Variants in PRICKLE2 observed in about 807,000 individuals in gnomAD.
PRICKLE2 encodes the protein prickle-like protein 2.
In PRICKLE2, 21 loss-of-function variants were observed where a neutral mutation model predicts 81.4. The observed-to-expected ratio is 0.26, with a 90% CI of 0.18 to 0.37. The LOEUF (loss-of-function observed/expected upper bound fraction) is 0.37, where lower values mean the gene tolerates loss of function less well. Among genes scored for constraint, PRICKLE2 ranks in the 10% least tolerant of loss-of-function variants. PRICKLE2 has a pLI of 1.00. For synonymous variants in PRICKLE2, 456 were observed against 421.5 expected (o/e 1.08, Z -1.00); for missense variants, 940 against 1,109.0 (o/e 0.85, Z 2.16).
Position 64,194,827 on chromosome 3 carries a change from A to T in PRICKLE2, c.144+3957T>A, listed in dbSNP as rs190693300. Among the ~76,000 whole-genome samples, 3 of 152,212 alleles carry T rather than the reference A, an allele frequency of 2.0e-5. No individual in the cohort carries two copies. In the East Asian group the frequency reaches 5.8e-4, roughly 29 times the overall value. On this transcript the variant is annotated intron_variant, in intron 2 of 7. Coordinates refer to ENST00000638394, the MANE Select transcript of PRICKLE2 (RefSeq NM_198859.4). ...CTCAGCACTTTGGGAGCATTGCTTGAGGTCAGGAGTTCAAGACCAGCCTGG... is the reference window on the plus strand; with the variant it reads ...CTCAGCACTTTGGGAGCATTGCTTGTGGTCAGGAGTTCAAGACCAGCCTGG...
chr3:64,220,262 T>A (rs1433107001), intron 1 of PRICKLE2, among the ~76,000 whole-genome samples: 1 of 152,192 alleles, frequency 6.6e-6, no homozygotes, highest in Non-Finnish European at 1.5e-5. Flanking sequence ...AATGAAATGC[T>A]AAGAATTTCT....
intron 1 of PRICKLE2, among the ~76,000 whole-genome samples, chr3:64,206,396 T>C (rs952418736): frequency 6.6e-5 from 10 of 152,336 alleles, no homozygotes; most frequent in Admixed American, 4.6e-4. Context: ...AATGTACATT[T>C]TCAAACTGTC....
chr3:64,123,724 G>A (rs1383968596), intron 7 of PRICKLE2, among the ~76,000 whole-genome samples: 2 of 151,924 alleles, frequency 1.3e-5, no homozygotes, highest in African/African-American at 4.8e-5. Flanking sequence ...TAATTGTTTT[G>A]GGATATCATG....
At chr3:64,189,539 A>G (rs1171516783) in intron 2 of PRICKLE2, among the ~76,000 whole-genome samples, 1 of 152,224 alleles carries the variant, frequency 6.6e-6, no homozygotes, top group African/African-American at 2.4e-5. Context: ...GGCTGGTTCA[A>G]GTGCTGTCTT....
intron 7 of PRICKLE2, among the ~76,000 whole-genome samples, chr3:64,129,699 T>A (rs1041272487): frequency 6.6e-6 from 1 of 152,116 alleles, no homozygotes; most frequent in Admixed American, 6.6e-5. Flanking sequence ...TGGCAGCTAC[T>A]GAGGTTGTTT....
At chr3:64,146,612 G>A (rs975329358) in intron 7 of PRICKLE2, 8 of 536,474 alleles carry the variant, frequency 1.5e-5, no homozygotes, top group South Asian at 2.2e-5. Context: ...GCATGGTGGC[G>A]GGCACCTGTA....
rs184428970 is a variant in PRICKLE2 at position 64,156,537 on chromosome 3, C to T, written c.600+625G>A. 1.2e-3 allele frequency among the ~76,000 whole-genome samples: 187 copies of T among 152,228 alleles called. 1 individual carries two copies. Among genetic ancestry groups the T allele is most frequent in the Non-Finnish European group, 2.0e-3 (137 of 68,020 alleles). On this transcript the variant is annotated intron_variant, in intron 5 of 7. Transcript: ENST00000638394. ...AGGTTTTCTATTCTGTCAGCTTACA[C>T]GGTAGGGTGTGCTTCTAGTAGGGGA...
chr3:64,122,323 A>C lies in PRICKLE2; in HGVS notation c.1661-22398T>G, dbSNP rs117232984. ...CCCCACTAGCCCACCCTTTGCCCCCAAAAATTCATAACCCAACAGCCAAGG... is the reference window on the plus strand; with the variant it reads ...CCCCACTAGCCCACCCTTTGCCCCCCAAAATTCATAACCCAACAGCCAAGG... On this transcript the variant is annotated intron_variant, in intron 7 of 7. Transcript: ENST00000638394. 2.5e-3 allele frequency among the ~76,000 whole-genome samples: 374 copies of C among 152,254 alleles called. 6 individuals carry two copies. The East Asian group carries it at 0.025, about 10-fold the overall frequency.
chr3:64,146,822 G>C lies in PRICKLE2; in HGVS notation c.1660+8C>G. On this transcript the variant is annotated splice_region_variant and intron_variant, in intron 7 of 7. Coordinates refer to ENST00000638394, the MANE Select transcript of PRICKLE2 (RefSeq NM_198859.4). ...TTTCTATCTGTTTTCAAGGTGAACAGAACCTACCTGTTGCATTAGACAGGG... is the reference window on the plus strand; with the variant it reads ...TTTCTATCTGTTTTCAAGGTGAACACAACCTACCTGTTGCATTAGACAGGG... The C allele has an allele frequency of 6.2e-7, 1 of 1,613,996 alleles. No homozygotes were observed. Among genetic ancestry groups the C allele is most frequent in the Non-Finnish European group, 8.5e-7 (1 of 1,179,988 alleles).
chr3:64,222,714 T>G, intron 1 of PRICKLE2, among the ~76,000 whole-genome samples: 1 of 152,186 alleles, frequency 6.6e-6, no homozygotes, highest in East Asian at 1.9e-4. Context: ...AACCAGCAGG[T>G]TAAGCACATA....
chr3:64,159,813 T>C, intron 4 of PRICKLE2, 127 bp downstream of exon 4: 2 of 1,230,958 alleles, frequency 1.6e-6, no homozygotes, highest in East Asian at 2.3e-5. Flanking sequence ...GATGAAACTT[T>C]CCCGTCTTTT....
At position 64,212,231 on chromosome 3, in the gene PRICKLE2, G is replaced by T. The variant is rs184495577; in HGVS notation, c.-41+12679C>A. 1.9e-3 allele frequency among the ~76,000 whole-genome samples: 294 copies of T among 152,314 alleles called. 1 individual carries two copies. The highest frequency in any genetic ancestry group is 2.9e-3 in the Admixed American group (45 of 15,300). ...CCTGTCAGACCTGCTGTTCTGCAAA[G>T]AATAAACCATGGTAGATAGAGTTGG... On this transcript the variant is annotated intron_variant, in intron 1 of 7. Transcript: ENST00000638394.
intron 2 of PRICKLE2, chr3:64,268,135 G>C (rs1179467553): frequency 1.3e-5 from 2 of 152,246 alleles, no homozygotes; most frequent in Non-Finnish European, 2.9e-5. Context: ...TCCGGATCCA[G>C]GAAAATCGCT....
intron 7 of PRICKLE2, among the ~76,000 whole-genome samples, chr3:64,137,147 A>G (rs1482325192): frequency 6.6e-6 from 1 of 152,136 alleles, no homozygotes; most frequent in Non-Finnish European, 1.5e-5. Context: ...CTTTTTCCAG[A>G]ATTTTTCTTT....
intron 1 of PRICKLE2, among the ~76,000 whole-genome samples, chr3:64,204,705 G>A (rs1056604587): frequency 1.3e-5 from 2 of 152,056 alleles, no homozygotes; most frequent in African/African-American, 4.8e-5. Context: ...CATGCTAGCT[G>A]CCCGCCTTCC....
chr3:64,182,283 T>TA (rs906942243), intron 2 of PRICKLE2, among the ~76,000 whole-genome samples: 19 of 152,048 alleles, frequency 1.2e-4, no homozygotes, highest in African/African-American at 4.3e-4. Context: ...GTCCGGGTGT[T>TA]AGAGACCAGC....
chr3:64,148,863 CATT>C (rs2077499028), intron 6 of PRICKLE2, among the ~76,000 whole-genome samples: 8 of 152,206 alleles, frequency 5.3e-5, no homozygotes, highest in African/African-American at 1.9e-4. Flanking sequence ...GTCAGCAATA[CATT>C]TCTGTTACTC....
In PRICKLE2 at chr3:64,147,190, C is replaced by G; in HGVS notation, c.1300G>C (p.Gly434Arg). The stretch of plus-strand genomic sequence containing the variant: ...CACATTTCGGGCTGGGCCCCAGCCC[C>G]TTGCCCTCCTGGACTGTAGGAAGTT... Reference protein sequence around the residue: ...IRTSYSPGGQGAGAQPEMWGK... With the variant: ...IRTSYSPGGQRAGAQPEMWGK... Residue 434 changes from glycine to arginine, a missense_variant, in exon 7 of 8, where the codon GGG becomes CGG. By Grantham distance (125) the Gly-to-Arg change is moderately radical. This residue lies in a region of PRICKLE2 where 670 missense variants were observed against 717.2 expected (regional missense o/e 0.93). Coordinates refer to ENST00000638394, the MANE Select transcript of PRICKLE2 (RefSeq NM_198859.4). The surrounding 1 kb of genome is among the most constrained non-coding windows in gnomAD (Gnocchi z 5.0). The G allele has an allele frequency of 6.2e-7, 1 of 1,613,634 alleles. No individual in the cohort carries two copies. The highest frequency in any genetic ancestry group is 8.5e-7 in the Non-Finnish European group (1 of 1,179,754).
rs941602908 is a variant in PRICKLE2, at chr3:64,094,099, A to T, written c.*4952T>A. ...AGGCCCTTTGAGGTTTTGTTTATGC[A>T]CTTGAAATGAAAGCAGGAGATGGAC... is the stretch of plus-strand genomic sequence containing the variant. On this transcript the variant is annotated 3_prime_UTR_variant, in exon 8 of 8. Transcript: ENST00000638394. 1 of 152,514 alleles carries T rather than the reference A, an allele frequency of 6.6e-6. No individual in the cohort carries two copies. Among genetic ancestry groups the T allele is most frequent in the Non-Finnish European group, 1.5e-5 (1 of 68,012 alleles). The allele number at this position is 152,514 out of a possible 1,614,324, so 9.4% of individuals were successfully genotyped here.
Sources: allele counts gnomAD v4.1 joint callset (sites outside exome capture counted in the v4.1 genomes callset), GRCh38; gene constraint gnomAD v4.1.1; regional missense constraint gnomAD v4.1.1; non-coding constraint Gnocchi (gnomAD v3.1); transcripts MANE v1.5; gene names NCBI Gene and HGNC (gene_info 2026-07-23, HGNC 2026-07-21).